APOC4: variants seen among roughly 807,000 people sequenced by gnomAD.
APOC4 encodes apolipoprotein C-IV.
APOC4 carries 10 observed loss-of-function variants against 8.4 expected under a neutral mutation model. That is an observed-to-expected ratio of 1.19 (90% CI 0.74 to 2.03). The LOEUF is 2.03. APOC4 is among the 30% of genes most tolerant of loss of function. APOC4 has a pLI of 0.00. For missense variants in APOC4, 160 were observed against 156.1 expected, an observed-to-expected ratio of 1.02 and a Z score of -0.13; for synonymous variants, 59 against 65.8, an observed-to-expected ratio of 0.90 and a Z score of 0.50.
At chr19:44,942,856 T>G (rs184767297) in intron 1 of APOC4, among the ~76,000 whole-genome samples, 48 of 151,022 alleles carry the variant, frequency 3.2e-4, no homozygotes, top group Middle Eastern at 3.5e-3. Flanking sequence ...CGCCTACCCG[T>G]TTCAAGGGAT....
In APOC4 at chr19:44,944,868, A is replaced by G. The variant is rs753375245; in HGVS notation, c.196A>G (p.Arg66Gly). The change falls in exon 2 of 3, where the codon AGA (arginine) becomes GGA (glycine). Residue 66 changes from arginine to glycine, a missense_variant. By Grantham distance (125) the Arg-to-Gly change is moderately radical. Coordinates refer to ENST00000592954, the MANE Select transcript of APOC4 (RefSeq NM_001646.3). The stretch of plus-strand genomic sequence containing the variant: ...GCTGGAGACAGTGGTGAACAGGACC[A>G]GAGACGGGTGGCAATGGTTCTGGTG... ...ELLETVVNRT[R>G]DGWQWFWSPS... The G allele has an allele frequency of 1.0e-5, 16 of 1,607,206 alleles. No homozygotes were observed. In the East Asian group the frequency reaches 3.1e-4, roughly 31 times the overall value.
At chr19:44,942,404 G>A in intron 1 of APOC4, 51 bp downstream of exon 1, 1 of 1,571,622 alleles carries the variant, frequency 6.4e-7, no homozygotes, top group Non-Finnish European at 8.7e-7. Context: ...GTGGGTGTGA[G>A]TGTGGCTGTG....
Position 44,944,822 on chromosome 19 carries a change from G to A in APOC4, c.150G>A (p.Val50=). 1 of 1,609,558 alleles carries A rather than the reference G, an allele frequency of 6.2e-7. No homozygotes were observed. The highest frequency in any genetic ancestry group is 8.5e-7 in the Non-Finnish European group (1 of 1,178,474). ...PKLKMSRWSL[V]RGRMKELLET... ...TAAAGATGAGTCGCTGGAGCCTGGTGAGGGGCAGGATGAAGGAGCTGCTGG... is the reference window on the plus strand; with the variant it reads ...TAAAGATGAGTCGCTGGAGCCTGGTAAGGGGCAGGATGAAGGAGCTGCTGG... The change falls in exon 2 of 3, where the codon GTG becomes GTA. Residue 50 remains valine (V), a synonymous_variant. Transcript: ENST00000592954.
At position 44,942,397 on chromosome 19, in the gene APOC4, G is replaced by A. The variant is rs760844953; in HGVS notation, c.76+44G>A. On this transcript the variant is annotated intron_variant, in intron 1 of 2. Transcript: ENST00000592954. ...AGGGATGTGGGGCCCACACCTGGTGGGTGTGAGTGTGGCTGTGTGTCCTGT... is the reference window on the plus strand; with the variant it reads ...AGGGATGTGGGGCCCACACCTGGTGAGTGTGAGTGTGGCTGTGTGTCCTGT... The A allele has an allele frequency of 2.6e-5, 41 of 1,595,652 alleles. No individual in the cohort carries two copies. The Admixed American group carries it at 5.3e-4, about 21-fold the overall frequency.
At chr19:44,944,955 C>A in intron 2 of APOC4, 65 bp downstream of exon 2, 2 of 1,545,626 alleles carry the variant, frequency 1.3e-6, no homozygotes, top group Admixed American at 2.1e-5. Flanking sequence ...GGGGCTGGGG[C>A]CTGGACCCCT....
rs767972302 is a variant in APOC4 at position 44,945,280 on chromosome 19, T to A, written c.359T>A (p.Val120Asp). Residue 120 changes from valine to aspartate, a missense_variant, in exon 3 of 3, where the codon GTC (valine) becomes GAC (aspartate). By Grantham distance (152) the Val-to-Asp change is radical. Coordinates refer to ENST00000592954, the MANE Select transcript of APOC4 (RefSeq NM_001646.3). ...ACCCACAGCCTGTGCCCCAGGCTTG[T>A]CTGTGGGGACAAGGACCAGGGTTAA... ...KKTHSLCPRL[V>D]CGDKDQG 1 of 1,613,748 alleles carries A rather than the reference T, an allele frequency of 6.2e-7. No homozygotes were observed. The highest frequency in any genetic ancestry group is 1.7e-5 in the Admixed American group (1 of 59,946).
chr19:44,945,466 T>C lies in APOC4; in HGVS notation c.*161T>C. The C allele has an allele frequency of 1.5e-6, 1 of 673,876 alleles. No homozygotes were observed. Among genetic ancestry groups the C allele is most frequent in the Non-Finnish European group, 2.4e-6 (1 of 418,018 alleles). The allele number at this position is 673,876 out of a possible 1,614,324, so 41.7% of individuals were successfully genotyped here. On this transcript the variant is annotated 3_prime_UTR_variant, in exon 3 of 3. Coordinates refer to ENST00000592954, the MANE Select transcript of APOC4 (RefSeq NM_001646.3). ...AAACAAAAAGAAAAAAAAAAGTTCA[T>C]ACTTCTCCAATAAATAAAGTCTCAC...
chr19:44,944,829 A>G lies in APOC4; in HGVS notation c.157A>G (p.Arg53Gly), dbSNP rs1169242056. ...KMSRWSLVRG[R>G]MKELLETVVN... ...GAGTCGCTGGAGCCTGGTGAGGGGC[A>G]GGATGAAGGAGCTGCTGGAGACAGT... is the stretch of plus-strand genomic sequence containing the variant. Residue 53 changes from arginine to glycine, a missense_variant, in exon 2 of 3, where the codon AGG becomes GGG. Physicochemically the swap from Arg to Gly is moderately radical, Grantham distance 125. Coordinates refer to ENST00000592954, the MANE Select transcript of APOC4 (RefSeq NM_001646.3). The G allele has an allele frequency of 1.2e-6, 2 of 1,608,810 alleles. No individual in the cohort carries two copies. The highest frequency in any genetic ancestry group is 1.7e-6 in the Non-Finnish European group (2 of 1,178,232).
Position 44,945,255 on chromosome 19 carries a change from A to G in APOC4, c.334A>G (p.Thr112Ala). The change falls in exon 3 of 3, where the codon ACC (threonine) becomes GCC (alanine). Residue 112 changes from threonine (T) to alanine (A), a missense_variant. Coordinates refer to ENST00000592954, the MANE Select transcript of APOC4 (RefSeq NM_001646.3). ...ATCCAAAGACAGCCTCTTGAAGAAG[A>G]CCCACAGCCTGTGCCCCAGGCTTGT... ...LESKDSLLKKTHSLCPRLVCG... is the reference protein window; with the variant it reads ...LESKDSLLKKAHSLCPRLVCG... 1 of 1,613,974 alleles carries G rather than the reference A, an allele frequency of 6.2e-7. No homozygotes were observed. Among genetic ancestry groups the G allele is most frequent in the African/African-American group, 1.3e-5 (1 of 75,008 alleles).
rs138548797 is a variant in APOC4 at position 44,945,250 on chromosome 19, A to G, written c.329A>G (p.Lys110Arg). 1 of 1,614,026 alleles carries G rather than the reference A, an allele frequency of 6.2e-7. No homozygotes were observed. The highest frequency in any genetic ancestry group is 1.7e-5 in the Admixed American group (1 of 59,994). The part of the protein sequence containing the change: ...WFLESKDSLL[K>R]KTHSLCPRLV... The stretch of plus-strand genomic sequence containing the variant: ...CTCGAATCCAAAGACAGCCTCTTGA[A>G]GAAGACCCACAGCCTGTGCCCCAGG... Residue 110 changes from lysine to arginine, a missense_variant, in exon 3 of 3, where the codon AAG becomes AGG. Physicochemically the swap from Lys to Arg is conservative, Grantham distance 26. Coordinates refer to ENST00000592954, the MANE Select transcript of APOC4 (RefSeq NM_001646.3).
Position 44,945,315 on chromosome 19 carries a change from A to T in APOC4, c.*10A>T. The T allele has an allele frequency of 6.2e-7, 1 of 1,610,958 alleles. No homozygotes were observed. The highest frequency in any genetic ancestry group is 1.7e-4 in the Middle Eastern group (1 of 6,054). On this transcript the variant is annotated 3_prime_UTR_variant, in exon 3 of 3. Transcript: ENST00000592954. ...CAAGGACCAGGGTTAAAATGTTCAT[A>T]AAAGCCAGGTGTGGTTGTGGCGGGT...
At chr19:44,943,682 G>A (rs530626906) in intron 1 of APOC4, among the ~76,000 whole-genome samples, 39 of 151,702 alleles carry the variant, frequency 2.6e-4, no homozygotes, top group African/African-American at 8.7e-4. Context: ...AGCCGAGATC[G>A]CGCCACTGCA....
At chr19:44,942,437 G>A (rs1599984462) in intron 1 of APOC4, 84 bp downstream of exon 1, 12 of 1,356,166 alleles carry the variant, frequency 8.8e-6, no homozygotes, top group Middle Eastern at 1.8e-4. Flanking sequence ...CTGTAGCCAC[G>A]TGAGACATGA....
In APOC4 at chr19:44,945,418, C is replaced by A; in HGVS notation, c.*113C>A. On this transcript the variant is annotated 3_prime_UTR_variant, in exon 3 of 3. Transcript: ENST00000592954. ...AGGAGTTCGAGACCAGCCTGGGCAA[C>A]ACAGCGAGATCTCTTGGGGGTAAAA... 2 of 1,048,578 alleles carry A rather than the reference C, an allele frequency of 1.9e-6. No individual in the cohort carries two copies. Among genetic ancestry groups the A allele is most frequent in the Non-Finnish European group, 2.7e-6 (2 of 727,504 alleles). 65.0% of individuals were successfully genotyped at this position (1,048,578 alleles called of 1,614,324 possible).
Position 44,944,618 on chromosome 19 carries a change from G to A in APOC4, c.77-131G>A, listed in dbSNP as rs1970295537. The A allele has an allele frequency of 6.3e-6, 7 of 1,110,322 alleles. No homozygotes were observed. In the African/African-American group the frequency reaches 1.1e-4, roughly 18 times the overall value. The allele number at this position is 1,110,322 out of a possible 1,614,324, so 68.8% of individuals were successfully genotyped here. ...GGTCAGGGGACACATAAGGGTAAAGGCAGGAGGCAAGAGGACTGGCAGGGG... is the reference window on the plus strand; with the variant it reads ...GGTCAGGGGACACATAAGGGTAAAGACAGGAGGCAAGAGGACTGGCAGGGG... On this transcript the variant is annotated intron_variant, in intron 1 of 2. Coordinates refer to ENST00000592954, the MANE Select transcript of APOC4 (RefSeq NM_001646.3).
chr19:44,944,191 G>C (rs1468716904), intron 1 of APOC4, among the ~76,000 whole-genome samples: 1 of 152,102 alleles, frequency 6.6e-6, no homozygotes, highest in East Asian at 1.9e-4. Context: ...GCCATTAGAG[G>C]GGAACCACAG....
chr19:44,944,710 G>A (rs1305557639), intron 1 of APOC4, 39 bp from the exon 2 acceptor site: 5 of 1,582,486 alleles, frequency 3.2e-6, no homozygotes, highest in Admixed American at 1.8e-5. Context: ...GGGATTCTAG[G>A]GTCCCAGCCT....
Position 44,944,856 on chromosome 19 carries a change from G to T in APOC4, c.184G>T (p.Val62Leu). The T allele has an allele frequency of 1.2e-6, 2 of 1,608,556 alleles. No homozygotes were observed. Among genetic ancestry groups the T allele is most frequent in the Non-Finnish European group, 1.7e-6 (2 of 1,178,112 alleles). ...GATGAAGGAGCTGCTGGAGACAGTG[G>T]TGAACAGGACCAGAGACGGGTGGCA... Reference protein sequence around the residue: ...GRMKELLETVVNRTRDGWQWF... With the variant: ...GRMKELLETVLNRTRDGWQWF... Residue 62 changes from valine to leucine, a missense_variant, in exon 2 of 3, where the codon GTG becomes TTG. Physicochemically the swap from Val to Leu is conservative, Grantham distance 32. Coordinates refer to ENST00000592954, the MANE Select transcript of APOC4 (RefSeq NM_001646.3).
chr19:44,944,185 T>A (rs562831231), intron 1 of APOC4, among the ~76,000 whole-genome samples: 24 of 151,970 alleles, frequency 1.6e-4, no homozygotes, highest in African/African-American at 5.6e-4. Context: ...AGAGAGGCCA[T>A]TAGAGGGGAA....
Sources: gnomAD v4.1 joint callset for allele counts (sites outside exome capture counted in the v4.1 genomes callset) on GRCh38, gnomAD v4.1.1 for gene constraint, MANE v1.5 for transcripts, NCBI Gene and HGNC (gene_info 2026-07-23, HGNC 2026-07-21) for gene names.